Variants in EPHB2 observed in about 807,000 individuals in gnomAD.
The protein encoded by EPHB2 is ephrin type-B receptor 2.
In EPHB2, 18 loss-of-function variants were observed where a neutral mutation model predicts 96.4. That is an observed-to-expected ratio of 0.19 (90% CI 0.13 to 0.28). The LOEUF (loss-of-function observed/expected upper bound fraction) is 0.28. EPHB2 is among the 10% of genes least tolerant of loss of function. The pLI is 1.00. For missense variants in EPHB2, 989 were observed against 1,355.4 expected (o/e 0.73, Z 4.25); for synonymous variants, 506 against 534.1 (o/e 0.95, Z 0.72).
rs1312525647 is a variant in EPHB2, at chr1:22,919,888, A to C, written c.*6318A>C. The C allele has an allele frequency of 6.6e-6, 1 of 152,146 alleles. No homozygotes were observed. The highest frequency in any genetic ancestry group is 1.5e-5 in the Non-Finnish European group (1 of 68,028). 9.4% of individuals were successfully genotyped at this position (152,146 alleles called of 1,614,324 possible). A position where few individuals can be genotyped will look rare whatever the true frequency, so the allele number is the denominator to read the frequency against. On this transcript the variant is annotated 3_prime_UTR_variant, in exon 16 of 16. Transcript: ENST00000374630. ...CATGTTTCTAAGATTCCATCACACT[A>C]TGATTCTATGCTGCTAATTCTTGAA...
chr1:22,737,861 C>T (rs1643863410), intron 1 of EPHB2, among the ~76,000 whole-genome samples: 1 of 152,190 alleles, frequency 6.6e-6, no homozygotes, highest in Non-Finnish European at 1.5e-5. Context: ...TACAACTCAG[C>T]ATGACACTCC....
chr1:22,913,973 T>G lies in EPHB2; in HGVS notation c.*403T>G. ...GACCTGGCCAGAGCCAAGAAACACT[T>G]TCAGAAAAACAAATGTGAAGGGGAG... On this transcript the variant is annotated 3_prime_UTR_variant, in exon 16 of 16. Transcript: ENST00000374630. The surrounding 1 kb of genome is among the most constrained non-coding windows in gnomAD (Gnocchi z 4.1). 2 of 1,416,850 alleles carry G rather than the reference T, an allele frequency of 1.4e-6. No individual in the cohort carries two copies. Among genetic ancestry groups the G allele is most frequent in the Non-Finnish European group, 1.9e-6 (2 of 1,068,534 alleles). 87.8% of individuals were successfully genotyped at this position (1,416,850 alleles called of 1,614,324 possible).
In EPHB2 at chr1:22,720,500, C is replaced by T. The variant is rs369115674; in HGVS notation, c.61+9457C>T. 2.4e-3 allele frequency among the ~76,000 whole-genome samples: 369 copies of T among 152,250 alleles called. 2 individuals carry two copies. Among genetic ancestry groups the T allele is most frequent in the African/African-American group, 8.4e-3 (350 of 41,548 alleles). ...ATGTTTCTTGGGCCAACCTGTGGTC[C>T]AAACTTGAATCTAGACGCCCCCTTA... On this transcript the variant is annotated intron_variant, in intron 1 of 15. Transcript: ENST00000374630.
At chr1:22,781,359 A>G in intron 1 of EPHB2, 62 bp from the exon 2 acceptor site, 3 of 1,522,242 alleles carry the variant, frequency 2.0e-6, no homozygotes, top group Non-Finnish European at 9.1e-7. Context: ...TGAGGGCCCA[A>G]CAGAAAGATT....
intron 1 of EPHB2, among the ~76,000 whole-genome samples, chr1:22,713,737 T>C (rs1324018738): frequency 6.6e-6 from 1 of 152,178 alleles, no homozygotes; most frequent in Non-Finnish European, 1.5e-5. Flanking sequence ...CCCTTCCTCC[T>C]TCCTTGTCTC....
chr1:22,851,244 C>G (rs758720274), intron 3 of EPHB2, among the ~76,000 whole-genome samples: 1 of 152,214 alleles, frequency 6.6e-6, no homozygotes, highest in African/African-American at 2.4e-5. Context: ...GCGATCCTCC[C>G]GCCTTGGCCT....
rs745644967 is a variant in EPHB2, at chr1:22,893,012, C to T, written c.1557C>T (p.Tyr519=). 1 of 1,614,222 alleles carries T rather than the reference C, an allele frequency of 6.2e-7. No homozygotes were observed. Among genetic ancestry groups the T allele is most frequent in the South Asian group, 1.1e-5 (1 of 91,088 alleles). The change falls in exon 7 of 16, where the codon TAC becomes TAT. Residue 519 remains tyrosine (Y), a synonymous_variant. Coordinates refer to ENST00000374630, the MANE Select transcript of EPHB2 (RefSeq NM_017449.5). ...RARTVAGYGR[Y]SGKMYFQTMT... is the part of the protein sequence containing the mutation. ...GCACCGTGGCAGGTTACGGGCGCTA[C>T]AGCGGCAAGATGTACTTCCAGACCA...
At position 22,790,182 on chromosome 1, in the gene EPHB2, C is replaced by T. The variant is rs1344950123; in HGVS notation, c.811+5106C>T. Among the ~76,000 whole-genome samples, 1 of 152,110 alleles carries T rather than the reference C, an allele frequency of 6.6e-6. No individual in the cohort carries two copies. The highest frequency in any genetic ancestry group is 1.9e-4 in the East Asian group (1 of 5,194). On this transcript the variant is annotated intron_variant, in intron 3 of 15. Coordinates refer to ENST00000374630, the MANE Select transcript of EPHB2 (RefSeq NM_017449.5). The surrounding 1 kb of genome is among the most constrained non-coding windows in gnomAD (Gnocchi z 4.0). ...GGAAGGGAATTGTAGGCAGAGAGAA[C>T]TATACGAATAAAGGCCCCAAGGTGT...
chr1:22,796,006 T>C (rs1312362079), intron 3 of EPHB2, among the ~76,000 whole-genome samples: 2 of 152,112 alleles, frequency 1.3e-5, no homozygotes, highest in East Asian at 3.9e-4. Flanking sequence ...GAGACCAAGG[T>C]CTCAGGGGAG....
chr1:22,827,099 A>G (rs903625328), intron 3 of EPHB2, among the ~76,000 whole-genome samples: 1 of 152,342 alleles, frequency 6.6e-6, no homozygotes, highest in Non-Finnish European at 1.5e-5. Context: ...CAAGATTTCT[A>G]TGAAAGGAGA....
intron 7 of EPHB2, among the ~76,000 whole-genome samples, chr1:22,893,251 C>T (rs1639450825): frequency 6.6e-6 from 1 of 152,206 alleles, no homozygotes; most frequent in African/African-American, 2.4e-5. Flanking sequence ...GTCAGCCAGG[C>T]CACTTCCTTT....
chr1:22,764,920 G>A (rs905808892), intron 1 of EPHB2, among the ~76,000 whole-genome samples: 29 of 152,246 alleles, frequency 1.9e-4, no homozygotes, highest in Admixed American at 5.2e-4. Context: ...TTTCACCCTC[G>A]CCAGTTTGGG....
At position 22,781,334 on chromosome 1, in the gene EPHB2, A is replaced by G. The variant is rs113980406; in HGVS notation, c.62-87A>G. 1,603 of 1,264,484 alleles carry G rather than the reference A, an allele frequency of 1.3e-3. 5 individuals are homozygous for G. In the East Asian group the frequency reaches 0.014, roughly 11 times the overall value. 78.3% of individuals were successfully genotyped at this position (1,264,484 alleles called of 1,614,324 possible). On this transcript the variant is annotated intron_variant, in intron 1 of 15. Coordinates refer to ENST00000374630, the MANE Select transcript of EPHB2 (RefSeq NM_017449.5). ...GACTCCGTCTAAAAAAAAAAAAAAA[A>G]AAGAAGAAGAAGGATGAGGGCCCAA...
intron 1 of EPHB2, among the ~76,000 whole-genome samples, chr1:22,768,780 G>A: frequency 1.9e-5 from 1 of 53,842 alleles, no homozygotes; most frequent in Non-Finnish European, 4.1e-5. Context: ...TCTTGAAGGG[G>A]CCCTGATCAT....
At chr1:22,888,395 T>G (rs1639293563) in intron 6 of EPHB2, among the ~76,000 whole-genome samples, 1 of 152,166 alleles carries the variant, frequency 6.6e-6, no homozygotes, top group South Asian at 2.1e-4. Flanking sequence ...TTATTAAGTC[T>G]TTTTATGTGC....
intron 1 of EPHB2, among the ~76,000 whole-genome samples, chr1:22,751,860 T>C (rs1429962490): frequency 1.3e-5 from 2 of 152,154 alleles, no homozygotes; most frequent in Non-Finnish European, 2.9e-5. Flanking sequence ...TCCATGAGGG[T>C]CCTGGGAAGC....
chr1:22,851,837 C>T (rs1171196019), intron 3 of EPHB2, among the ~76,000 whole-genome samples: 2 of 152,218 alleles, frequency 1.3e-5, no homozygotes, highest in Admixed American at 1.3e-4. Context: ...ACACCCTGTC[C>T]CAGCAGCAGC....
At chr1:22,717,222 G>A (rs978956225) in intron 1 of EPHB2, among the ~76,000 whole-genome samples, 2 of 152,250 alleles carry the variant, frequency 1.3e-5, no homozygotes, top group Non-Finnish European at 1.5e-5. Context: ...AAGAATGTTT[G>A]CACAGCTCCC....
chr1:22,816,598 G>T (rs1645078499), intron 3 of EPHB2, among the ~76,000 whole-genome samples: 1 of 152,054 alleles, frequency 6.6e-6, no homozygotes, highest in Non-Finnish European at 1.5e-5. Context: ...ACCCCTTGCG[G>T]TTCCCTCTCC....
Sources: gnomAD v4.1 joint callset for allele counts (sites outside exome capture counted in the v4.1 genomes callset) on GRCh38, gnomAD v4.1.1 for gene constraint, Gnocchi (gnomAD v3.1) non-coding constraint, MANE v1.5 for transcripts, NCBI Gene and HGNC (gene_info 2026-07-23, HGNC 2026-07-21) for gene names.